The following SEL1L3 variants were observed in gnomAD, a reference collection of about 807,000 sequenced individuals.
SEL1L3 encodes protein sel-1 homolog 3.
In SEL1L3, 76 loss-of-function variants were observed where a neutral mutation model predicts 142.8. That is an observed-to-expected ratio of 0.53 (90% CI 0.44 to 0.64). SEL1L3 has a LOEUF of 0.64. SEL1L3 is among the 30% of genes least tolerant of loss of function. SEL1L3 has a pLI of 0.00. For synonymous variants in SEL1L3, 504 were observed against 519.6 expected (o/e 0.97, Z 0.41); for missense variants, 1,262 against 1,381.7 (o/e 0.91, Z 1.37).
At chr4:25,769,680 ACT>A (rs1019416883) in intron 17 of SEL1L3, among the ~76,000 whole-genome samples, 2 of 152,136 alleles carry the variant, frequency 1.3e-5, no homozygotes, top group Non-Finnish European at 2.9e-5. Flanking sequence ...CTTTAGAGAC[ACT>A]CTGGCCTGCA....
chr4:25,802,668 G>A (rs1368666613), intron 10 of SEL1L3, among the ~76,000 whole-genome samples: 1 of 151,918 alleles, frequency 6.6e-6, no homozygotes, highest in Non-Finnish European at 1.5e-5. Flanking sequence ...TGCAAGCTCC[G>A]CCTCCCAGGT....
chr4:25,842,636 T>C (rs1716244170), intron 2 of SEL1L3, among the ~76,000 whole-genome samples: 1 of 152,188 alleles, frequency 6.6e-6, no homozygotes, highest in Non-Finnish European at 1.5e-5. Context: ...CCCCACACCC[T>C]CCCTCATGTG....
At chr4:25,722,566 T>G in the SEL1L3 span, among the ~76,000 whole-genome samples, 14 of 151,682 alleles carry the variant, frequency 9.2e-5, no homozygotes, top group Admixed American at 9.2e-4. Flanking sequence ...AAGGTAAGAC[T>G]TTTACTGACA....
At chr4:25,790,756 GAAGA>G (rs1712278068) in intron 11 of SEL1L3, among the ~76,000 whole-genome samples, 182 bp from the exon 12 acceptor site, 2 of 135,390 alleles carry the variant, frequency 1.5e-5, no homozygotes, top group African/African-American at 2.8e-5. Flanking sequence ...AGGAAGGAAG[GAAGA>G]AAGGAAGGGA....
chr4:25,858,826 C>T (rs1001484476), intron 1 of SEL1L3, among the ~76,000 whole-genome samples: 19 of 152,102 alleles, frequency 1.2e-4, no homozygotes, highest in African/African-American at 4.3e-4. Context: ...CCTCGTGATC[C>T]GCCTGCTTCG....
chr4:25,798,839 A>AAAAG (rs1274725295), intron 11 of SEL1L3, among the ~76,000 whole-genome samples: 5 of 152,126 alleles, frequency 3.3e-5, no homozygotes, highest in African/African-American at 4.8e-5. Flanking sequence ...AAAAAAAGAA[A>AAAAG]AAAGAAAGAA....
At chr4:25,778,870 G>A (rs186711746) in intron 16 of SEL1L3, among the ~76,000 whole-genome samples, 1 of 152,160 alleles carries the variant, frequency 6.6e-6, no homozygotes, top group Non-Finnish European at 1.5e-5. Flanking sequence ...AAGTGAGGTA[G>A]GCAAGGATTT....
chr4:25,780,555 T>C (rs1232773190), intron 15 of SEL1L3, among the ~76,000 whole-genome samples: 2 of 151,898 alleles, frequency 1.3e-5, no homozygotes, highest in African/African-American at 2.4e-5. Context: ...TCAGGGCCTT[T>C]GCACTGCCTG....
At chr4:25,780,305 C>A (rs1004570855) in intron 15 of SEL1L3, among the ~76,000 whole-genome samples, 2 of 152,148 alleles carry the variant, frequency 1.3e-5, no homozygotes, top group African/African-American at 4.8e-5. Context: ...GCATGAACCC[C>A]CTGCTCCTGT....
intron 4 of SEL1L3, 49 bp from the exon 5 acceptor site, chr4:25,833,159 G>A: frequency 3.8e-6 from 4 of 1,041,954 alleles, no homozygotes; most frequent in Non-Finnish European, 6.1e-6. Context: ...ATATCTACGA[G>A]TGAATGAAGT....
chr4:25,769,759 C>T lies in SEL1L3; in HGVS notation c.2670-1929G>A, dbSNP rs76416761. On this transcript the variant is annotated intron_variant, in intron 17 of 23. Coordinates refer to ENST00000399878, the MANE Select transcript of SEL1L3 (RefSeq NM_015187.5). ...ACAGTGTAGACCTGCAAACCAAGGT[C>T]AAATATTGGACCAGTGCCCTCTAAC... Among the ~76,000 whole-genome samples, 491 of 152,232 alleles carry T rather than the reference C, an allele frequency of 3.2e-3. 16 individuals carry two copies. In the East Asian group the frequency reaches 0.07, roughly 22 times the overall value.
At chr4:25,804,231 T>C (rs893420963) in intron 10 of SEL1L3, among the ~76,000 whole-genome samples, 11 of 152,150 alleles carry the variant, frequency 7.2e-5, no homozygotes, top group Non-Finnish European at 2.9e-5. Flanking sequence ...GCAGAGTAAT[T>C]ACAAGAATTT....
At chr4:25,823,288 G>C (rs1256674898) in intron 6 of SEL1L3, among the ~76,000 whole-genome samples, 1 of 152,158 alleles carries the variant, frequency 6.6e-6, no homozygotes, top group Non-Finnish European at 1.5e-5. Flanking sequence ...GGCCAAGGTG[G>C]GCAGATCACC....
chr4:25,779,056 A>G lies in SEL1L3; in HGVS notation c.2585+20T>C, dbSNP rs1289256731. ...AGGATATGGCTTTCCCTTCAAATGC[A>G]ACGTTTGACAGAGTCTTACACAACA... On this transcript the variant is annotated intron_variant, in intron 16 of 23. Transcript: ENST00000399878. 4.3e-6 allele frequency: 7 copies of G among 1,611,020 alleles called. No individual in the cohort carries two copies. The highest frequency in any genetic ancestry group is 5.9e-6 in the Non-Finnish European group (7 of 1,178,338).
intron 19 of SEL1L3, among the ~76,000 whole-genome samples, chr4:25,767,212 G>A (rs1349499071): frequency 2.0e-5 from 3 of 152,168 alleles, no homozygotes; most frequent in Non-Finnish European, 4.4e-5. Flanking sequence ...CTGAACCTGG[G>A]AGGTGGAGGT....
At chr4:25,806,488 A>G (rs957031193) in intron 9 of SEL1L3, among the ~76,000 whole-genome samples, 11 of 152,128 alleles carry the variant, frequency 7.2e-5, no homozygotes, top group South Asian at 4.1e-4. Flanking sequence ...CCATGCTAAA[A>G]ATGGAAGTTG....
chr4:25,795,424 G>T (rs1445327499), intron 11 of SEL1L3, among the ~76,000 whole-genome samples: 2 of 152,200 alleles, frequency 1.3e-5, no homozygotes, highest in Non-Finnish European at 2.9e-5. Context: ...AGATCTAAGA[G>T]AATTTTATGC....
chr4:25,772,961 C>T (rs1231653240), intron 17 of SEL1L3, among the ~76,000 whole-genome samples: 2 of 152,058 alleles, frequency 1.3e-5, no homozygotes, highest in African/African-American at 4.8e-5. Flanking sequence ...TCACACCCGG[C>T]TAATTTTTGT....
intron 23 of SEL1L3, 77 bp downstream of exon 23, chr4:25,757,457 C>CAAAA (rs879068722): frequency 7.3e-6 from 3 of 408,826 alleles, no homozygotes; most frequent in African/African-American, 4.1e-5. Context: ...TCCAGTAGAC[C>CAAAA]AAAAAAAAAA....
Sources: gnomAD v4.1 joint callset for allele counts (sites outside exome capture counted in the v4.1 genomes callset) on GRCh38, gnomAD v4.1.1 for gene constraint, MANE v1.5 for transcripts, NCBI Gene and HGNC (gene_info 2026-07-23, HGNC 2026-07-21) for gene names.